Variants in HEXA observed in about 807,000 individuals in gnomAD.
The protein encoded by HEXA is beta-hexosaminidase subunit alpha.
A neutral mutation model predicts 73.3 loss-of-function variants in HEXA; 54 were observed. That is an observed-to-expected ratio of 0.74 (90% CI 0.59 to 0.92). HEXA has a LOEUF of 0.92. HEXA is among the 40% of genes least tolerant of loss of function. The pLI is 0.00. For missense variants in HEXA, 649 were observed against 653.0 expected, an observed-to-expected ratio of 0.99 and a Z score of 0.07; for synonymous variants, 230 against 246.9, an observed-to-expected ratio of 0.93 and a Z score of 0.64.
chr15:72,364,683 C>T (rs2088893236), intron 1 of HEXA, among the ~76,000 whole-genome samples: 1 of 152,130 alleles, frequency 6.6e-6, no homozygotes, highest in African/African-American at 2.4e-5. Flanking sequence ...CCCAAATCCA[C>T]ATATATGGGC....
chr15:72,362,744 T>A (rs570475880), intron 1 of HEXA, among the ~76,000 whole-genome samples: 29 of 151,992 alleles, frequency 1.9e-4, no homozygotes, highest in Non-Finnish European at 1.5e-5. Context: ...GTTGCTGTAT[T>A]AGGGTCACTA....
chr15:72,344,951 C>T (rs769609902), intron 13 of HEXA, among the ~76,000 whole-genome samples: 1 of 152,214 alleles, frequency 6.6e-6, no homozygotes, highest in Non-Finnish European at 1.5e-5. Context: ...GCTTCAGTGT[C>T]TATCTCTAAA....
rs1297936078 is a variant in HEXA at position 72,369,051 on chromosome 15, C to T, written c.253+6669G>A. 3.9e-5 allele frequency among the ~76,000 whole-genome samples: 6 copies of T among 152,208 alleles called. No individual in the cohort carries two copies. In the East Asian group the frequency reaches 1.2e-3, roughly 29 times the overall value. On this transcript the variant is annotated intron_variant, in intron 1 of 13. Coordinates refer to ENST00000268097, the MANE Select transcript of HEXA (RefSeq NM_000520.6). ...TTCCACAGAAAGGAGCTCTACACCA[C>T]ACCCAAGCCTAACCAGCCTCAAGAT...
chr15:72,352,929 G>A (rs541642540), intron 5 of HEXA, 139 bp downstream of exon 5: 2 of 677,514 alleles, frequency 3.0e-6, no homozygotes, highest in South Asian at 3.0e-5. Flanking sequence ...CTCCCAAAGT[G>A]TTGGGATTAC....
intron 5 of HEXA, chr15:72,351,707 G>A (rs377588936): frequency 2.2e-4 from 45 of 208,364 alleles, no homozygotes; most frequent in East Asian, 2.1e-3. Context: ...CTTTGGTTCC[G>A]TCACAGGAGC....
chr15:72,352,664 A>AT lies in HEXA; in HGVS notation c.570+403dup, dbSNP rs1555473007. Among the ~76,000 whole-genome samples the AT allele has an allele frequency of 7.4e-3, 317 of 43,014 alleles. 1 individual carries two copies. The highest frequency in any genetic ancestry group is 0.011 in the African/African-American group (312 of 29,506). The allele number at this position is 43,014 out of a possible 152,430, so 28.2% of individuals were successfully genotyped here. On this transcript the variant is annotated intron_variant, in intron 5 of 13. Coordinates refer to ENST00000268097, the MANE Select transcript of HEXA (RefSeq NM_000520.6). The stretch of plus-strand genomic sequence containing the variant: ...CCAGGAGCTCATAGAATTACATACA[A>AT]TTTTTTTTTTTTTTTTTGAGACAGC...
At chr15:72,344,329 A>AG (rs943225449) in intron 13 of HEXA, among the ~76,000 whole-genome samples, 189 bp from the exon 14 acceptor site, 1 of 152,144 alleles carries the variant, frequency 6.6e-6, no homozygotes, top group Non-Finnish European at 1.5e-5. Flanking sequence ...ATTGGCAAGA[A>AG]TCTGCAAGCT....
At chr15:72,360,621 T>C (rs1178878584) in intron 1 of HEXA, among the ~76,000 whole-genome samples, 1 of 152,214 alleles carries the variant, frequency 6.6e-6, no homozygotes, top group African/African-American at 2.4e-5. Context: ...TTAAAATGTT[T>C]GCAATCTTCC....
intron 1 of HEXA, among the ~76,000 whole-genome samples, chr15:72,362,993 T>G (rs1281316687): frequency 6.6e-6 from 1 of 152,204 alleles, no homozygotes; most frequent in Non-Finnish European, 1.5e-5. Context: ...TTCCCACTCT[T>G]TAATGTCTAC....
At position 72,356,560 on chromosome 15, in the gene HEXA, C is replaced by T; in HGVS notation, c.311G>A (p.Cys104Tyr). 1 of 1,614,072 alleles carries T rather than the reference C, an allele frequency of 6.2e-7. No individual in the cohort carries two copies. ...VLVVSVVTPGCNQLPTLESVE... is the reference protein window; with the variant it reads ...VLVVSVVTPGYNQLPTLESVE... The stretch of plus-strand genomic sequence containing the variant: ...TGACTCCAAAGTAGGAAGCTGGTTA[C>T]ATCCAGGTGTGACTACAGAGACAAC... Residue 104 changes from cysteine to tyrosine, a missense_variant, in exon 2 of 14, where the codon TGT (cysteine) becomes TAT (tyrosine). Transcript: ENST00000268097.
rs568180596 is a variant in HEXA, at chr15:72,364,091, G to A, written c.254-7474C>T. Among the ~76,000 whole-genome samples the A allele has an allele frequency of 3.3e-5, 5 of 152,126 alleles. No homozygotes were observed. In the East Asian group the frequency reaches 5.8e-4, roughly 18 times the overall value. On this transcript the variant is annotated intron_variant, in intron 1 of 13. Transcript: ENST00000268097. ...TTCAAGGTTCGCCAGTCAACATGGC[G>A]AAACCTTGTCTCTACTAAAAATACA... is the stretch of plus-strand genomic sequence containing the variant.
chr15:72,346,490 C>T, intron 11 of HEXA, 37 bp downstream of exon 11: 3 of 1,599,410 alleles, frequency 1.9e-6, no homozygotes, highest in Non-Finnish European at 2.6e-6. Flanking sequence ...CCCAACCCAG[C>T]CTCCTTTGGT....
chr15:72,348,805 G>A (rs958401133), intron 8 of HEXA, among the ~76,000 whole-genome samples: 2 of 152,080 alleles, frequency 1.3e-5, no homozygotes, highest in East Asian at 1.9e-4. Context: ...TCTCTATCCC[G>A]AACTTTTCCA....
rs772036483 is a variant in HEXA, at chr15:72,349,232, T to A, written c.833A>T (p.Tyr278Phe). The change falls in exon 8 of 14, where the codon TAC becomes TTC. Residue 278 changes from tyrosine (Y) to phenylalanine (F), a missense_variant. By Grantham distance (22) the Tyr-to-Phe change is conservative. Coordinates refer to ENST00000268097, the MANE Select transcript of HEXA (RefSeq NM_000520.6). ...GGTGCCAGAGGGCTCAGACCCAGAG[T>A]AGCAAGGAGTCAGTAATCCAGGGAT... is the stretch of plus-strand genomic sequence containing the variant. ...PGIPGLLTPCYSGSEPSGTFG... is the reference protein window; with the variant it reads ...PGIPGLLTPCFSGSEPSGTFG... 6.2e-7 allele frequency: 1 copy of A among 1,613,906 alleles called. No individual in the cohort carries two copies. Among genetic ancestry groups the A allele is most frequent in the Non-Finnish European group, 8.5e-7 (1 of 1,179,968 alleles).
chr15:72,348,362 A>G (rs1388012066), intron 8 of HEXA, among the ~76,000 whole-genome samples: 1 of 152,212 alleles, frequency 6.6e-6, no homozygotes, highest in Non-Finnish European at 1.5e-5. Flanking sequence ...AAGAGTTTTA[A>G]GTTCAAACTC....
intron 5 of HEXA, 44 bp downstream of exon 5, chr15:72,353,024 C>A (rs368112859): frequency 8.5e-7 from 1 of 1,177,940 alleles, no homozygotes; most frequent in Non-Finnish European, 1.3e-6. Flanking sequence ...TGCTCCATCA[C>A]CCTAGAACTC....
chr15:72,345,267 G>A, intron 13 of HEXA, 179 bp downstream of exon 13: 2 of 1,218,686 alleles, frequency 1.6e-6, no homozygotes, highest in South Asian at 2.8e-5. Flanking sequence ...ACCATTTTTT[G>A]TTGTATTTTT....
intron 1 of HEXA, among the ~76,000 whole-genome samples, chr15:72,374,843 C>T (rs1470004411): frequency 6.6e-6 from 1 of 152,072 alleles, no homozygotes; most frequent in East Asian, 1.9e-4. Flanking sequence ...CACATTTTCC[C>T]CACCCTCATC....
In HEXA at chr15:72,347,852, G is replaced by T. The variant is rs2303449; in HGVS notation, c.1074-94C>A. The T allele has an allele frequency of 0.083, 102,721 of 1,232,882 alleles. 6,393 individuals are homozygous for T. The highest frequency in any genetic ancestry group is 0.26 in the African/African-American group (17,400 of 67,700). 76.4% of individuals were successfully genotyped at this position (1,232,882 alleles called of 1,614,324 possible). A position where few individuals can be genotyped will look rare whatever the true frequency, so the allele number is the denominator to read the frequency against. ...TGCTCTAGGGGTTGAGCCTGGCCAG[G>T]GGCCTATTCCTCATTAAGCAGTGTC... On this transcript the variant is annotated intron_variant, in intron 9 of 13. Coordinates refer to ENST00000268097, the MANE Select transcript of HEXA (RefSeq NM_000520.6).
Sources: gnomAD v4.1 joint callset for allele counts (sites outside exome capture counted in the v4.1 genomes callset) on GRCh38, gnomAD v4.1.1 for gene constraint, MANE v1.5 for transcripts, NCBI Gene and HGNC (gene_info 2026-07-23, HGNC 2026-07-21) for gene names.